The following KDM1A variants were observed in gnomAD, a reference collection of about 807,000 sequenced individuals.
The protein encoded by KDM1A is lysine demethylase 1A, also known as lysine-specific histone demethylase 1A.
KDM1A carries 49 observed loss-of-function variants against 109.4 expected under a neutral mutation model. The ratio of observed to expected loss-of-function variants is 0.45; its 90% confidence interval spans 0.36 to 0.57. The LOEUF (loss-of-function observed/expected upper bound fraction) is 0.57. KDM1A is among the 20% of genes least tolerant of loss of function. The probability of loss-of-function intolerance (pLI) is 0.00; values close to 1 mark genes in which losing one functional copy is unlikely to be tolerated. For synonymous variants in KDM1A, 380 were observed against 415.4 expected (o/e 0.91, Z 1.04); for missense variants, 668 against 1,116.6 (o/e 0.60, Z 5.73).
intron 15 of KDM1A, 116 bp from the exon 16 acceptor site, chr1:23,077,112 C>T (rs773446779): frequency 9.2e-6 from 9 of 983,226 alleles, no homozygotes; most frequent in Admixed American, 2.5e-5. Flanking sequence ...TTTAGTTTGC[C>T]TTAAAATATT....
chr1:23,043,732 A>C (rs879904461), intron 2 of KDM1A, among the ~76,000 whole-genome samples: 9 of 152,196 alleles, frequency 5.9e-5, no homozygotes, highest in Non-Finnish European at 1.3e-4. Context: ...CAGTGAGGAA[A>C]ATTTCTTAAC....
intron 2 of KDM1A, among the ~76,000 whole-genome samples, chr1:23,043,086 TAA>T (rs1250422477): frequency 1.3e-5 from 2 of 152,218 alleles, no homozygotes; most frequent in Admixed American, 6.5e-5. Context: ...CAGAATTTAC[TAA>T]GAGTGAATAT....
rs553270621 is a variant in KDM1A at position 23,022,009 on chromosome 1, T to C, written c.351+2062T>C. Reference sequence around the variant, plus strand: ...GTGCTTTCATTCAGTACTTGATAACTCTTTATGGCTGAATAATATTCCATT... The same window carrying C: ...GTGCTTTCATTCAGTACTTGATAACCCTTTATGGCTGAATAATATTCCATT... On this transcript the variant is annotated intron_variant, in intron 1 of 20. Transcript: ENST00000400181. 3.8e-4 allele frequency among the ~76,000 whole-genome samples: 58 copies of C among 152,380 alleles called. 1 individual carries two copies. Among genetic ancestry groups the C allele is most frequent in the African/African-American group, 1.3e-3 (55 of 41,596 alleles).
intron 9 of KDM1A, among the ~76,000 whole-genome samples, chr1:23,061,717 C>T (rs1643006352): frequency 6.7e-6 from 1 of 150,338 alleles, no homozygotes; most frequent in Non-Finnish European, 1.5e-5. Context: ...AGTGCAGTGG[C>T]ACAATCTTGA....
chr1:23,079,419 G>A lies in KDM1A; in HGVS notation c.2056-134G>A, dbSNP rs538930472. 2.3e-5 allele frequency: 17 copies of A among 745,402 alleles called. No individual in the cohort carries two copies. The highest frequency in any genetic ancestry group is 9.3e-5 in the South Asian group (5 of 53,796). 46.2% of individuals were successfully genotyped at this position (745,402 alleles called of 1,614,324 possible). A position where few individuals can be genotyped will look rare whatever the true frequency, so the allele number is the denominator to read the frequency against. On this transcript the variant is annotated intron_variant, in intron 17 of 20. Transcript: ENST00000400181. This position sits in a 1 kb window ranked among gnomAD's most constrained non-coding sequence, Gnocchi z 5.6. The stretch of plus-strand genomic sequence containing the variant: ...AACTCAGGCCTATAAAAAGGGGATC[G>A]TAAATGTCATCCTAAATAATAAGGA...
chr1:23,077,427 G>GCGA (rs772506876), intron 16 of KDM1A, 67 bp downstream of exon 16: 57 of 1,507,884 alleles, frequency 3.8e-5, no homozygotes, highest in Middle Eastern at 1.7e-4. Flanking sequence ...TTTGTTAGGT[G>GCGA]CGACCTATCA....
At chr1:23,059,019 TTTTG>T (rs1642921460) in intron 8 of KDM1A, 50 bp from the exon 9 acceptor site, 2 of 1,098,488 alleles carry the variant, frequency 1.8e-6, no homozygotes, top group Non-Finnish European at 2.6e-6. Context: ...ACTTTAAGGT[TTTTG>T]TTCTCTCTTC....
At chr1:23,026,363 TTG>T (rs1641801935) in intron 1 of KDM1A, among the ~76,000 whole-genome samples, 3 of 147,982 alleles carry the variant, frequency 2.0e-5, no homozygotes, top group Non-Finnish European at 1.5e-5. Context: ...TTTTGTTTTT[TTG>T]TGTGTTTTTG....
At position 23,019,964 on chromosome 1, in the gene KDM1A, C is replaced by G. The variant is rs1036303249; in HGVS notation, c.351+17C>G. 9.3e-6 allele frequency: 14 copies of G among 1,508,148 alleles called. No homozygotes were observed. Among genetic ancestry groups the G allele is most frequent in the African/African-American group, 1.5e-5 (1 of 68,852 alleles). The allele number at this position is 1,508,148 out of a possible 1,614,324, so 93.4% of individuals were successfully genotyped here. A position where few individuals can be genotyped will look rare whatever the true frequency, so the allele number is the denominator to read the frequency against. ...CGGGCGAAGGTAAGGCTCGACCCTT[C>G]CCTCAAACGACACCGCCTGGTGCCG... On this transcript the variant is annotated intron_variant, in intron 1 of 20. Coordinates refer to ENST00000400181, the MANE Select transcript of KDM1A (RefSeq NM_001009999.3).
intron 1 of KDM1A, among the ~76,000 whole-genome samples, chr1:23,023,054 C>T (rs1171457198): frequency 6.6e-6 from 1 of 152,128 alleles, no homozygotes; most frequent in Non-Finnish European, 1.5e-5. Flanking sequence ...ATATGCAGTT[C>T]CCTAATGACT....
At chr1:23,030,339 G>T in intron 1 of KDM1A, 130 bp from the exon 2 acceptor site, 1 of 617,496 alleles carries the variant, frequency 1.6e-6, no homozygotes. Context: ...GAGCTGCCTT[G>T]TTCCTTGTTG....
intron 2 of KDM1A, among the ~76,000 whole-genome samples, chr1:23,031,941 G>C (rs1359688638): frequency 2.6e-5 from 4 of 152,114 alleles, no homozygotes; most frequent in Non-Finnish European, 4.4e-5. Flanking sequence ...GGCAAATGTA[G>C]CTGCCTTTTT....
chr1:23,050,036 T>A (rs1447160157), intron 3 of KDM1A, among the ~76,000 whole-genome samples: 1 of 152,262 alleles, frequency 6.6e-6, no homozygotes, highest in East Asian at 1.9e-4. Flanking sequence ...TTTGCTTTCC[T>A]GTTAGTGCAT....
intron 15 of KDM1A, among the ~76,000 whole-genome samples, chr1:23,076,918 G>A (rs564406850): frequency 6.0e-5 from 9 of 150,142 alleles, no homozygotes; most frequent in African/African-American, 2.2e-4. Context: ...TGAGCCGAGA[G>A]CACGCCACTG....
At chr1:23,043,446 G>T (rs1255422459) in intron 2 of KDM1A, among the ~76,000 whole-genome samples, 1 of 152,078 alleles carries the variant, frequency 6.6e-6, no homozygotes, top group Non-Finnish European at 1.5e-5. Context: ...CTCAAATGGT[G>T]GAATAATCAA....
In KDM1A at chr1:23,081,563, CAG is replaced by C; in HGVS notation, c.2289_2290del (p.Val764ThrfsTer14). On this transcript the variant is annotated frameshift_variant, in exon 19 of 21. Transcript: ENST00000400181. LOFTEE classifies it high-confidence loss of function. ...CTCAAAGGGATTTTTGGTAGCAGTG[CAG>C]TACCTCAGGTAAGTAGGTAGGTGGG... is the stretch of plus-strand genomic sequence containing the variant. 6.2e-7 allele frequency: 1 copy of C among 1,614,116 alleles called. No individual in the cohort carries two copies. The highest frequency in any genetic ancestry group is 8.5e-7 in the Non-Finnish European group (1 of 1,179,988).
chr1:23,055,917 A>G lies in KDM1A; in HGVS notation c.884-15A>G, dbSNP rs1259827957. 5 of 1,556,648 alleles carry G rather than the reference A, an allele frequency of 3.2e-6. No individual in the cohort carries two copies. Among genetic ancestry groups the G allele is most frequent in the Non-Finnish European group, 3.5e-6 (4 of 1,142,750 alleles). On this transcript the variant is annotated splice_polypyrimidine_tract_variant and intron_variant, in intron 6 of 20. Coordinates refer to ENST00000400181, the MANE Select transcript of KDM1A (RefSeq NM_001009999.3). ...TACCTAAAACAAAATCTTTTTTTTC[A>G]TTTTTTGCTTTTAGCTAAAAAGACA... is the stretch of plus-strand genomic sequence containing the variant.
At chr1:23,063,454 T>C (rs1175649169) in intron 9 of KDM1A, among the ~76,000 whole-genome samples, 1 of 152,206 alleles carries the variant, frequency 6.6e-6, no homozygotes, top group Non-Finnish European at 1.5e-5. Flanking sequence ...TTTGTGTTCT[T>C]ATACAGTGGT....
At chr1:23,053,921 A>G in intron 5 of KDM1A, 82 bp downstream of exon 5, 1 of 760,430 alleles carries the variant, frequency 1.3e-6, no homozygotes, top group Non-Finnish European at 2.3e-6. Context: ...TGGTTCCTTG[A>G]TAATTAATTT....
Sources: gnomAD v4.1 joint callset for allele counts (sites outside exome capture counted in the v4.1 genomes callset) on GRCh38, gnomAD v4.1.1 for gene constraint, Gnocchi (gnomAD v3.1) non-coding constraint, MANE v1.5 for transcripts, NCBI Gene and HGNC (gene_info 2026-07-23, HGNC 2026-07-21) for gene names.